ATG4C: variants seen among roughly 807,000 people sequenced by gnomAD.
The protein encoded by ATG4C is cysteine protease ATG4C.
In ATG4C, 56 loss-of-function variants were observed where a neutral mutation model predicts 57.6. That is an observed-to-expected ratio of 0.97 (90% CI 0.78 to 1.21). The LOEUF is 1.21. ATG4C is among the 50% of genes most tolerant of loss of function. The pLI, the probability that ATG4C is intolerant of heterozygous loss-of-function variation, is 0.00. For synonymous variants in ATG4C, 157 were observed against 174.1 expected (o/e 0.90, Z 0.78); for missense variants, 595 against 529.8 (o/e 1.12, Z -1.21).
chr1:62,787,449 C>T (rs1664129896), intron 1 of ATG4C, among the ~76,000 whole-genome samples: 1 of 148,520 alleles, frequency 6.7e-6, no homozygotes, highest in Admixed American at 6.7e-5. Context: ...ATTCTAACTT[C>T]ATTCATTTGG....
chr1:62,797,247 CT>C (rs1264325486), intron 1 of ATG4C, among the ~76,000 whole-genome samples: 3 of 152,040 alleles, frequency 2.0e-5, no homozygotes, highest in East Asian at 3.9e-4. Flanking sequence ...TGCTGTTCCC[CT>C]TTTTTTCTCA....
At position 62,829,067 on chromosome 1, in the gene ATG4C, A is replaced by G; in HGVS notation, c.824A>G (p.Gln275Arg). 3.7e-6 allele frequency: 6 copies of G among 1,611,926 alleles called. No homozygotes were observed. The highest frequency in any genetic ancestry group is 5.1e-6 in the Non-Finnish European group (6 of 1,178,550). The change falls in exon 7 of 11, where the codon CAG (glutamine) becomes CGG (arginine). Residue 275 changes from glutamine to arginine, a missense_variant. Physicochemically the swap from Gln to Arg is conservative, Grantham distance 43. Coordinates refer to ENST00000317868, the MANE Select transcript of ATG4C (RefSeq NM_032852.4). ...TVYNSDVIDK[Q>R]SASMTSDNAD... ...TACAATTCTGATGTAATTGATAAAC[A>G]GAGTGCTTCCATGACTTCTGATAAT...
At chr1:62,827,994 C>T (rs1665720477) in intron 6 of ATG4C, among the ~76,000 whole-genome samples, 3 of 152,112 alleles carry the variant, frequency 2.0e-5, no homozygotes, top group Admixed American at 2.0e-4. Flanking sequence ...TGATCTCATT[C>T]TTTTTTATGG....
intron 10 of ATG4C, among the ~76,000 whole-genome samples, chr1:62,846,023 CA>C (rs749096386): frequency 5.3e-5 from 8 of 152,110 alleles, no homozygotes; most frequent in Non-Finnish European, 1.2e-4. Context: ...AGCTCACAGA[CA>C]AGTCTGTTTT....
chr1:62,819,085 G>A lies in ATG4C; in HGVS notation c.475G>A (p.Ala159Thr). The change falls in exon 5 of 11, where the codon GCA (alanine) becomes ACA (threonine). Residue 159 changes from alanine to threonine, a missense_variant. Physicochemically the swap from Ala to Thr is moderately conservative, Grantham distance 58. Transcript: ENST00000317868. ...WTSHTVKKFT[A>T]SFEASLSGER... ...TTCCCACACTGTCAAAAAATTTACT[G>A]CATCATTTGAAGCATCACTTTCAGG... 6.2e-7 allele frequency: 1 copy of A among 1,610,374 alleles called. No homozygotes were observed. The highest frequency in any genetic ancestry group is 8.5e-7 in the Non-Finnish European group (1 of 1,178,568).
intron 1 of ATG4C, among the ~76,000 whole-genome samples, chr1:62,799,872 A>ATT (rs35368838): frequency 0.024 from 3,389 of 141,454 alleles, 150 homozygotes; most frequent in African/African-American, 0.083. Flanking sequence ...CATTCTTTCT[A>ATT]TTTTTTTTTT....
rs1368436466 is a variant in ATG4C at position 62,834,039 on chromosome 1, G to T, written c.935G>T (p.Gly312Val). The T allele has an allele frequency of 5.0e-6, 8 of 1,609,430 alleles. No individual in the cohort carries two copies. The highest frequency in any genetic ancestry group is 2.2e-5 in the East Asian group (1 of 44,676). Residue 312 changes from glycine to valine, a missense_variant and splice_region_variant, in exon 8 of 11, where the codon GGT becomes GTT. By Grantham distance (109) the Gly-to-Val change is moderately radical. Coordinates refer to ENST00000317868, the MANE Select transcript of ATG4C (RefSeq NM_032852.4). ...ATCTGTATTAATTTTTTTTGGCAGG[G>T]TATTTTAAGCCTGGAATATTGTGTG... ...TNTDYLEFVK[G>V]ILSLEYCVGI...
intron 2 of ATG4C, among the ~76,000 whole-genome samples, chr1:62,804,146 G>C (rs1664777040): frequency 6.6e-6 from 1 of 150,930 alleles, no homozygotes; most frequent in African/African-American, 2.4e-5. Context: ...GAGTGTAGTG[G>C]TGCAATCTCA....
intron 3 of ATG4C, among the ~76,000 whole-genome samples, chr1:62,816,156 A>G (rs2100313366): frequency 6.6e-6 from 1 of 152,248 alleles, no homozygotes. Context: ...TTTGCTGCAT[A>G]TAGGATTCTG....
intron 1 of ATG4C, among the ~76,000 whole-genome samples, chr1:62,787,078 A>G (rs1275239876): frequency 6.6e-6 from 1 of 152,210 alleles, no homozygotes; most frequent in Non-Finnish European, 1.5e-5. Flanking sequence ...TGCACCCTTC[A>G]CCGAGGTAGA....
chr1:62,864,128 G>T lies in ATG4C; in HGVS notation c.1346G>T (p.Arg449Ile), dbSNP rs749357381. The change falls in exon 11 of 11, where the codon AGA becomes ATA. Residue 449 changes from arginine to isoleucine, a missense_variant. By Grantham distance (97) the Arg-to-Ile change is moderately conservative. Coordinates refer to ENST00000317868, the MANE Select transcript of ATG4C (RefSeq NM_032852.4). ...FSEDEKKQLK[R>I]FSTEEFVLL ...GAGGATGAAAAGAAACAATTAAAAAGATTTAGCACGGAAGAGTTTGTCTTG... is the reference window on the plus strand; with the variant it reads ...GAGGATGAAAAGAAACAATTAAAAATATTTAGCACGGAAGAGTTTGTCTTG... The T allele has an allele frequency of 1.9e-6, 3 of 1,605,330 alleles. No individual in the cohort carries two copies. The highest frequency in any genetic ancestry group is 2.2e-5 in the South Asian group (2 of 89,144).
At chr1:62,837,446 G>C (rs1666032031) in intron 9 of ATG4C, among the ~76,000 whole-genome samples, 1 of 152,192 alleles carries the variant, frequency 6.6e-6, no homozygotes, top group Non-Finnish European at 1.5e-5. Flanking sequence ...GGAGCAGCAT[G>C]AACAACCTTA....
intron 1 of ATG4C, among the ~76,000 whole-genome samples, chr1:62,796,443 A>C (rs984108238): frequency 6.6e-6 from 1 of 152,104 alleles, no homozygotes; most frequent in Non-Finnish European, 1.5e-5. Context: ...TGCCATGGGG[A>C]ATTAAATTGA....
At chr1:62,800,123 G>T (rs1664609428) in intron 1 of ATG4C, among the ~76,000 whole-genome samples, 1 of 152,054 alleles carries the variant, frequency 6.6e-6, no homozygotes, top group Non-Finnish European at 1.5e-5. Flanking sequence ...ACTTGCTGAG[G>T]ACTGTCCAGA....
chr1:62,830,706 A>T (rs946817362), intron 7 of ATG4C, among the ~76,000 whole-genome samples: 1 of 151,844 alleles, frequency 6.6e-6, no homozygotes, highest in Non-Finnish European at 1.5e-5. Context: ...ATTTATTTAT[A>T]TTTTTTTAAG....
intron 10 of ATG4C, among the ~76,000 whole-genome samples, chr1:62,845,126 T>C (rs144171645): frequency 1.3e-5 from 2 of 152,004 alleles, no homozygotes; most frequent in Non-Finnish European, 2.9e-5. Context: ...ATATACTAGA[T>C]ACATTACAGT....
chr1:62,784,311 T>A (rs1277005442), intron 1 of ATG4C, 38 bp downstream of exon 1: 3 of 152,410 alleles, frequency 2.0e-5, no homozygotes. Flanking sequence ...GTCAAGAAGT[T>A]TGGGACTTAG....
At chr1:62,793,614 A>C (rs1183027144) in intron 1 of ATG4C, among the ~76,000 whole-genome samples, 8 of 147,936 alleles carry the variant, frequency 5.4e-5, no homozygotes. Flanking sequence ...AAAAAAAAAA[A>C]AAAAAACCAA....
intron 3 of ATG4C, among the ~76,000 whole-genome samples, chr1:62,812,980 A>G (rs1665137016): frequency 6.6e-6 from 1 of 152,240 alleles, no homozygotes; most frequent in South Asian, 2.1e-4. Flanking sequence ...GAGGACACAA[A>G]CAAATGGAAA....
Sources: allele counts gnomAD v4.1 joint callset (sites outside exome capture counted in the v4.1 genomes callset), GRCh38; gene constraint gnomAD v4.1.1; transcripts MANE v1.5; gene names NCBI Gene and HGNC (gene_info 2026-07-23, HGNC 2026-07-21).